Variants in CSMD1 observed in about 807,000 individuals in gnomAD.
The protein encoded by CSMD1 is CUB and sushi domain-containing protein 1.
A neutral mutation model predicts 417.5 loss-of-function variants in CSMD1; 213 were observed. That is an observed-to-expected ratio of 0.51 (90% CI 0.46 to 0.57). CSMD1 has a LOEUF of 0.57. Ranked by LOEUF, CSMD1 falls within the 20% of genes least tolerant of loss-of-function variation. CSMD1 has a pLI of 0.00. For synonymous variants in CSMD1, 2,862 were observed against 1,736.8 expected (o/e 1.65, Z -16.11); for missense variants, 6,923 against 4,529.7 (o/e 1.53, Z -15.17).
At chr8:3,406,313 G>C (rs376543745) in intron 14 of CSMD1, 92 bp from the exon 15 acceptor site, 1 of 991,000 alleles carries the variant, frequency 1.0e-6, no homozygotes, top group South Asian at 1.8e-5. Context: ...AGCTTATAAA[G>C]CATTCATATA....
At chr8:4,705,102 T>C (rs1033655088) in intron 1 of CSMD1, among the ~76,000 whole-genome samples, 4 of 152,160 alleles carry the variant, frequency 2.6e-5, no homozygotes, top group African/African-American at 7.2e-5. Context: ...TGTTTGACAG[T>C]TCCTCCTTCA....
intron 3 of CSMD1, among the ~76,000 whole-genome samples, chr8:4,033,783 T>A (rs746923082): frequency 3.3e-5 from 5 of 152,226 alleles, no homozygotes; most frequent in African/African-American, 2.4e-5. Context: ...ACTTTTTCCT[T>A]GATATGATTC....
At chr8:4,744,567 A>G (rs1810828318) in intron 1 of CSMD1, among the ~76,000 whole-genome samples, 1 of 152,316 alleles carries the variant, frequency 6.6e-6, no homozygotes, top group Admixed American at 6.5e-5. Context: ...ATGATTTACA[A>G]TTCACACAAA....
chr8:4,305,125 T>C (rs1326781109), intron 3 of CSMD1, among the ~76,000 whole-genome samples: 1 of 152,164 alleles, frequency 6.6e-6, no homozygotes, highest in African/African-American at 2.4e-5. Flanking sequence ...AAAAATAATA[T>C]TGCGGATACA....
chr8:3,991,458 C>G (rs760933963), intron 5 of CSMD1, among the ~76,000 whole-genome samples: 6 of 152,104 alleles, frequency 3.9e-5, no homozygotes, highest in Non-Finnish European at 8.8e-5. Context: ...TTCATGTGTC[C>G]TCTTAGAAGC....
chr8:4,306,064 G>C (rs1352456209), intron 3 of CSMD1, among the ~76,000 whole-genome samples: 2 of 152,150 alleles, frequency 1.3e-5, no homozygotes, highest in African/African-American at 4.8e-5. Context: ...TGGACATTTT[G>C]ATTTATGATT....
At chr8:4,529,396 T>A (rs928738755) in intron 2 of CSMD1, among the ~76,000 whole-genome samples, 10 of 152,236 alleles carry the variant, frequency 6.6e-5, no homozygotes, top group African/African-American at 2.4e-4. Flanking sequence ...ACCACTTCTC[T>A]GGCTAAATTG....
At chr8:3,773,431 C>A (rs912705953) in intron 5 of CSMD1, among the ~76,000 whole-genome samples, 1 of 152,048 alleles carries the variant, frequency 6.6e-6, no homozygotes. Context: ...GGACGACAGT[C>A]ATGCACCACT....
intron 12 of CSMD1, among the ~76,000 whole-genome samples, chr8:3,417,869 G>A (rs1813256357): frequency 6.6e-6 from 1 of 152,202 alleles, no homozygotes; most frequent in Non-Finnish European, 1.5e-5. Context: ...CACGCGGTAT[G>A]GACGTGGCAC....
rs185794041 is a variant in CSMD1, at chr8:4,097,796, C to G, written c.416-65697G>C. On this transcript the variant is annotated intron_variant, in intron 3 of 69. Coordinates refer to ENST00000635120, the MANE Select transcript of CSMD1 (RefSeq NM_033225.6). The stretch of plus-strand genomic sequence containing the variant: ...ACGAACATTAGTTTTAGCATGATTA[C>G]AAATGCTGTGGGTGGGTTATGTTTG... 8.5e-5 allele frequency among the ~76,000 whole-genome samples: 13 copies of G among 152,312 alleles called. No individual in the cohort carries two copies. The East Asian group carries it at 2.5e-3, about 29-fold the overall frequency.
intron 5 of CSMD1, among the ~76,000 whole-genome samples, chr8:3,902,895 T>A (rs1807851094): frequency 6.6e-6 from 1 of 152,198 alleles, no homozygotes; most frequent in Non-Finnish European, 1.5e-5. Context: ...CAGCCATTGA[T>A]CATCCTGATC....
chr8:3,385,346 T>A (rs1160184039), intron 18 of CSMD1, among the ~76,000 whole-genome samples: 1 of 75,524 alleles, frequency 1.3e-5, no homozygotes, highest in African/African-American at 6.3e-5. Context: ...TTTTTGTGTT[T>A]TTGTGTTTTA....
intron 23 of CSMD1, among the ~76,000 whole-genome samples, chr8:3,319,697 C>G (rs757847322): frequency 1.3e-5 from 2 of 151,388 alleles, no homozygotes; most frequent in African/African-American, 2.4e-5. Context: ...TGCCTGATTG[C>G]TGAAGAAAAA....
intron 23 of CSMD1, among the ~76,000 whole-genome samples, chr8:3,338,194 G>A (rs758632756): frequency 2.8e-4 from 43 of 152,140 alleles, no homozygotes; most frequent in Non-Finnish European, 6.0e-4. Flanking sequence ...GAATCCAGTT[G>A]TTGAACCACA....
chr8:4,664,959 T>C (rs1029644062), intron 1 of CSMD1, among the ~76,000 whole-genome samples: 2 of 152,184 alleles, frequency 1.3e-5, no homozygotes, highest in Non-Finnish European at 2.9e-5. Flanking sequence ...TATTGAAAAA[T>C]TGTAGCATCT....
At chr8:3,335,095 GC>G (rs1807168059) in intron 23 of CSMD1, among the ~76,000 whole-genome samples, 1 of 152,158 alleles carries the variant, frequency 6.6e-6, no homozygotes, top group South Asian at 2.1e-4. Context: ...ACCGAGAGGA[GC>G]CCAGGACCCT....
At chr8:3,985,341 G>T (rs936110385) in intron 5 of CSMD1, among the ~76,000 whole-genome samples, 2 of 152,252 alleles carry the variant, frequency 1.3e-5, no homozygotes, top group South Asian at 2.1e-4. Flanking sequence ...GTTTATTAGG[G>T]TTACAGATTG....
chr8:4,383,496 T>A (rs1262204763), intron 3 of CSMD1, among the ~76,000 whole-genome samples: 2 of 152,302 alleles, frequency 1.3e-5, no homozygotes, highest in Middle Eastern at 6.8e-3. Flanking sequence ...TCTGTAATTT[T>A]ATTCCAGGAC....
chr8:4,242,137 T>G (rs773743453), intron 3 of CSMD1, among the ~76,000 whole-genome samples: 60 of 152,244 alleles, frequency 3.9e-4, no homozygotes, highest in Non-Finnish European at 5.7e-4. Context: ...TATGTCTTTC[T>G]TAGCATATAT....
Sources: allele counts gnomAD v4.1 joint callset (sites outside exome capture counted in the v4.1 genomes callset), GRCh38; gene constraint gnomAD v4.1.1; transcripts MANE v1.5; gene names NCBI Gene and HGNC (gene_info 2026-07-23, HGNC 2026-07-21).